Variants in HDAC9 observed in about 807,000 individuals in gnomAD.
The protein encoded by HDAC9 is histone deacetylase 9.
A neutral mutation model predicts 139.4 loss-of-function variants in HDAC9; 41 were observed. The ratio of observed to expected loss-of-function variants is 0.29; its 90% CI spans 0.23 to 0.38. The LOEUF is 0.38. Among genes scored for constraint, HDAC9 ranks in the 10% least tolerant of loss-of-function variants. The probability of loss-of-function intolerance (pLI) is 1.00; values close to 1 mark genes in which losing one functional copy is unlikely to be tolerated. For missense variants in HDAC9, 1,147 were observed against 1,297.0 expected, an observed-to-expected ratio of 0.88 and a Z score of 1.78; for synonymous variants, 517 against 476.2, an observed-to-expected ratio of 1.09 and a Z score of -1.12.
chr7:18,931,569 A>C (rs903287791), intron 22 of HDAC9, among the ~76,000 whole-genome samples: 1 of 152,180 alleles, frequency 6.6e-6, no homozygotes, highest in Non-Finnish European at 1.5e-5. Flanking sequence ...GAGGAGATTC[A>C]CTCATCCTGT....
chr7:18,123,963 G>A (rs918903888), intron 1 of HDAC9, among the ~76,000 whole-genome samples: 19 of 152,160 alleles, frequency 1.2e-4, no homozygotes, highest in Non-Finnish European at 1.5e-5. Flanking sequence ...GAGAAAGAAT[G>A]AGGGGTGCTA....
intron 2 of HDAC9, among the ~76,000 whole-genome samples, chr7:18,500,980 T>C (rs902139011): frequency 5.3e-5 from 8 of 150,968 alleles, no homozygotes; most frequent in African/African-American, 2.0e-4. Context: ...GAAAACAGAA[T>C]AGGCCCAGGT....
chr7:18,769,554 A>ATGTGTG (rs67450024), intron 16 of HDAC9, among the ~76,000 whole-genome samples: 27 of 151,256 alleles, frequency 1.8e-4, no homozygotes, highest in African/African-American at 6.3e-4. Flanking sequence ...GTGGGTGTGA[A>ATGTGTG]TGTGTGTGTG....
intron 2 of HDAC9, among the ~76,000 whole-genome samples, chr7:18,185,297 C>T (rs1364129238): frequency 6.6e-6 from 1 of 152,208 alleles, no homozygotes; most frequent in Non-Finnish European, 1.5e-5. Flanking sequence ...AGGACCACCA[C>T]CTCAATGATA....
At chr7:18,335,314 T>C (rs192733569) in intron 1 of HDAC9, among the ~76,000 whole-genome samples, 63 of 151,620 alleles carry the variant, frequency 4.2e-4, no homozygotes, top group Non-Finnish European at 7.4e-4. Context: ...ATAAAAATAC[T>C]GATCTTTATG....
chr7:18,822,018 C>A (rs1191339107), intron 17 of HDAC9, among the ~76,000 whole-genome samples: 1,866 of 152,248 alleles, frequency 0.012, 41 homozygotes, highest in African/African-American at 0.043. Context: ...AAGTGTGCCA[C>A]CCTTGCAGTT....
chr7:18,984,558 T>C (rs1290314465), intron 25 of HDAC9, among the ~76,000 whole-genome samples: 1 of 151,910 alleles, frequency 6.6e-6, no homozygotes, highest in Non-Finnish European at 1.5e-5. Flanking sequence ...CTTATGGTAA[T>C]TGTGGTAAAG....
At chr7:18,347,273 G>A (rs1388909498) in intron 1 of HDAC9, among the ~76,000 whole-genome samples, 1 of 152,124 alleles carries the variant, frequency 6.6e-6, no homozygotes, top group Non-Finnish European at 1.5e-5. Context: ...GAAAGTGAAG[G>A]AAAATGAGCA....
chr7:18,681,291 A>G (rs1001739507), intron 12 of HDAC9, among the ~76,000 whole-genome samples: 31 of 152,116 alleles, frequency 2.0e-4, no homozygotes, highest in African/African-American at 7.5e-4. Context: ...TCTTGTTTTC[A>G]TAAAAAAGAT....
chr7:18,554,987 A>G (rs1442055344), intron 2 of HDAC9, among the ~76,000 whole-genome samples: 3 of 152,224 alleles, frequency 2.0e-5, no homozygotes, highest in Non-Finnish European at 4.4e-5. Context: ...TGTGAAGTGC[A>G]TATTCAATTA....
chr7:18,616,813 G>A (rs1040352802), intron 6 of HDAC9, among the ~76,000 whole-genome samples: 12 of 152,192 alleles, frequency 7.9e-5, no homozygotes, highest in Admixed American at 5.9e-4. Flanking sequence ...CTTGTCAGTG[G>A]TGCTGCTGAT....
At chr7:18,170,018 C>T (rs1263653128) in intron 2 of HDAC9, among the ~76,000 whole-genome samples, 1 of 152,154 alleles carries the variant, frequency 6.6e-6, no homozygotes, top group African/African-American at 2.4e-5. Context: ...AGTTCTAGAT[C>T]CTTGAGGAAT....
At chr7:18,960,620 A>T (rs1188443633) in intron 24 of HDAC9, among the ~76,000 whole-genome samples, 1 of 152,150 alleles carries the variant, frequency 6.6e-6, no homozygotes, top group East Asian at 1.9e-4. Flanking sequence ...AATAATCAAA[A>T]TATGTGGTAC....
At chr7:18,949,544 T>A (rs1288244730) in intron 23 of HDAC9, 1 of 213,642 alleles carries the variant, frequency 4.7e-6, no homozygotes, top group African/African-American at 2.3e-5. Context: ...AGTGTTACTT[T>A]TATTTGGACT....
chr7:18,659,832 C>T (rs961578529), intron 11 of HDAC9, among the ~76,000 whole-genome samples: 7 of 152,124 alleles, frequency 4.6e-5, no homozygotes, highest in East Asian at 1.9e-4. Flanking sequence ...ACAGATGTTT[C>T]GTCTTCTGTT....
intron 17 of HDAC9, among the ~76,000 whole-genome samples, chr7:18,818,976 G>A (rs547328128): frequency 4.0e-5 from 6 of 151,576 alleles, no homozygotes; most frequent in Non-Finnish European, 5.9e-5. Context: ...TAGTTTATAT[G>A]AAATTAAAAA....
At chr7:18,864,976 G>A (rs1363239543) in intron 21 of HDAC9, among the ~76,000 whole-genome samples, 2 of 152,138 alleles carry the variant, frequency 1.3e-5, no homozygotes, top group Admixed American at 6.5e-5. Flanking sequence ...CCCTTTGACC[G>A]TAGTGTGTCA....
intron 12 of HDAC9, chr7:18,668,238 A>G (rs1795375040): frequency 1.7e-5 from 16 of 936,062 alleles, no homozygotes. Context: ...AGTCCTTCTG[A>G]TAATTTGACA....
intron 12 of HDAC9, among the ~76,000 whole-genome samples, chr7:18,701,131 G>C (rs1013261112): frequency 1.4e-5 from 2 of 146,412 alleles, no homozygotes; most frequent in African/African-American, 5.3e-5. Context: ...CAATAAACCT[G>C]AATACATAGA....
Sources: gnomAD v4.1 joint callset for allele counts (sites outside exome capture counted in the v4.1 genomes callset) on GRCh38, gnomAD v4.1.1 for gene constraint, MANE v1.5 for transcripts, NCBI Gene and HGNC (gene_info 2026-07-23, HGNC 2026-07-21) for gene names.